ZNF892: variants seen among roughly 807,000 people sequenced by gnomAD.
ZNF892 encodes zinc finger protein 570-like.
the ZNF892 span, among the ~76,000 whole-genome samples, chr2:95,216,544 G>T: frequency 3.3e-5 from 5 of 152,210 alleles, no homozygotes; most frequent in East Asian, 7.7e-4. Flanking sequence ...CTGCATATTA[G>T]ATTATGAAAA....
At chr2:95,259,294 G>A in the ZNF892 span, 13 of 152,870 alleles carry the variant, frequency 8.5e-5, no homozygotes, top group African/African-American at 3.1e-4. Flanking sequence ...ACTCTTCACT[G>A]GGATTGGAGT....
chr2:95,232,674 C>CTAAA, the ZNF892 span, among the ~76,000 whole-genome samples: 27 of 152,274 alleles, frequency 1.8e-4, no homozygotes, highest in African/African-American at 6.3e-4. Flanking sequence ...AGGTCAGTCT[C>CTAAA]TTTAGAGGCT....
the ZNF892 span, among the ~76,000 whole-genome samples, chr2:95,208,362 A>G: frequency 1.3e-5 from 2 of 152,234 alleles, no homozygotes; most frequent in Non-Finnish European, 2.9e-5. Context: ...GCGTGGACAT[A>G]CAAAGACTTT....
chr2:95,219,248 C>T, the ZNF892 span, among the ~76,000 whole-genome samples: 4 of 151,858 alleles, frequency 2.6e-5, no homozygotes, highest in South Asian at 2.1e-4. Flanking sequence ...CCTCATGATC[C>T]GCCCGCTTCG....
chr2:95,237,153 T>A, the ZNF892 span, among the ~76,000 whole-genome samples: 1 of 151,668 alleles, frequency 6.6e-6, no homozygotes, highest in South Asian at 2.1e-4. Context: ...TTTTTTTTTT[T>A]TTTTTTATTT....
chr2:95,242,153 A>G, the ZNF892 span, among the ~76,000 whole-genome samples: 2 of 152,208 alleles, frequency 1.3e-5, no homozygotes, highest in Admixed American at 1.3e-4. Context: ...CCCCAGTAAG[A>G]TACTCCATGA....
At chr2:95,237,225 G>A in the ZNF892 span, among the ~76,000 whole-genome samples, 1 of 150,310 alleles carries the variant, frequency 6.7e-6, no homozygotes, top group Admixed American at 6.7e-5. Context: ...ACGGCTCACT[G>A]CAACCTCCAC....
chr2:95,214,570 CTCAGAG>C, the ZNF892 span: 1 of 398,534 alleles, frequency 2.5e-6, no homozygotes, highest in South Asian at 1.3e-4. Flanking sequence ...AGAAATTGCA[CTCAGAG>C]GTCCTTACTT....
the ZNF892 span, among the ~76,000 whole-genome samples, chr2:95,237,795 A>C: frequency 6.6e-6 from 1 of 152,374 alleles, no homozygotes; most frequent in Admixed American, 6.5e-5. Context: ...ACAAAGCAAC[A>C]CAGCCTTATT....
At chr2:95,221,447 G>A in the ZNF892 span, among the ~76,000 whole-genome samples, 4,445 of 152,096 alleles carry the variant, frequency 0.029, 208 homozygotes, top group African/African-American at 0.1. Context: ...ATGCAATTTC[G>A]TGATTTTTTT....
chr2:95,256,182 T>C, the ZNF892 span, among the ~76,000 whole-genome samples: 2 of 152,218 alleles, frequency 1.3e-5, no homozygotes, highest in African/African-American at 4.8e-5. Context: ...GTCTTTACAA[T>C]TTGGGATGTT....
At chr2:95,226,330 G>A in the ZNF892 span, among the ~76,000 whole-genome samples, 8 of 152,338 alleles carry the variant, frequency 5.3e-5, no homozygotes, top group East Asian at 1.2e-3. Context: ...AAGTTAGTCT[G>A]GTGAGGATCG....
At chr2:95,249,093 A>G in the ZNF892 span, among the ~76,000 whole-genome samples, 1 of 150,890 alleles carries the variant, frequency 6.6e-6, no homozygotes, top group Non-Finnish European at 1.5e-5. Flanking sequence ...CAGACTTTTA[A>G]TATAAAAACA....
chr2:95,232,737 A>G, the ZNF892 span, among the ~76,000 whole-genome samples: 1 of 152,078 alleles, frequency 6.6e-6, no homozygotes, highest in South Asian at 2.1e-4. Context: ...CTATTTTATC[A>G]TCGTTACTTA....
the ZNF892 span, among the ~76,000 whole-genome samples, chr2:95,227,818 A>G: frequency 2.6e-5 from 4 of 151,686 alleles, no homozygotes; most frequent in East Asian, 1.9e-4. Context: ...GGGTCTCGCT[A>G]TGGTACACAG....
the ZNF892 span, among the ~76,000 whole-genome samples, chr2:95,257,478 C>T: frequency 6.6e-6 from 1 of 152,166 alleles, no homozygotes; most frequent in Non-Finnish European, 1.5e-5. Context: ...CATTCTGCCC[C>T]TACTGGGGGG....
the ZNF892 span, among the ~76,000 whole-genome samples, chr2:95,250,193 A>G: frequency 6.6e-6 from 1 of 152,050 alleles, no homozygotes; most frequent in East Asian, 1.9e-4. Flanking sequence ...ATGTCAAGCA[A>G]TCTATTTTTA....
At chr2:95,214,256 T>G in the ZNF892 span, 1 of 397,390 alleles carries the variant, frequency 2.5e-6, no homozygotes, top group Non-Finnish European at 4.4e-6. Context: ...AACAAACATG[T>G]TTCATTAATT....
the ZNF892 span, among the ~76,000 whole-genome samples, chr2:95,229,966 T>A: frequency 6.6e-6 from 1 of 152,196 alleles, no homozygotes; most frequent in Non-Finnish European, 1.5e-5. Flanking sequence ...ACCATCTGGC[T>A]TATGTGCAGT....
Sources: allele counts gnomAD v4.1 joint callset (sites outside exome capture counted in the v4.1 genomes callset), GRCh38; gene constraint gnomAD v4.1.1; transcripts MANE v1.5; gene names NCBI Gene and HGNC (gene_info 2026-07-23, HGNC 2026-07-21).